STPG2: variants seen among roughly 807,000 people sequenced by gnomAD.
The protein encoded by STPG2 is sperm-tail PG-rich repeat-containing protein 2.
Under a neutral mutation model 54.2 loss-of-function variants are expected in STPG2, and 56 were observed. The observed-to-expected ratio is 1.03, with a 90% CI of 0.83 to 1.29. The LOEUF (loss-of-function observed/expected upper bound fraction) is 1.29, where lower values mean the gene tolerates loss of function less well. Among genes scored for constraint, STPG2 ranks in the 50% most tolerant of loss-of-function variants. The probability of loss-of-function intolerance (pLI) is 0.00; values close to 1 mark genes in which losing one functional copy is unlikely to be tolerated. For synonymous variants in STPG2, 200 were observed against 181.8 expected, an observed-to-expected ratio of 1.10 and a Z score of -0.81; for missense variants, 596 against 544.9, an observed-to-expected ratio of 1.09 and a Z score of -0.93.
intron 9 of STPG2, among the ~76,000 whole-genome samples, chr4:97,722,617 T>C (rs1306741178): frequency 6.6e-6 from 1 of 152,128 alleles, no homozygotes; most frequent in Non-Finnish European, 1.5e-5. Flanking sequence ...TAGATGAGTC[T>C]TAAGAGGGAA....
chr4:97,629,310 A>G (rs999895216), intron 10 of STPG2, among the ~76,000 whole-genome samples: 1 of 152,090 alleles, frequency 6.6e-6, no homozygotes, highest in Non-Finnish European at 1.5e-5. Flanking sequence ...GAAAAAAAGC[A>G]TTTACAATCA....
intron 5 of STPG2, among the ~76,000 whole-genome samples, chr4:97,983,758 C>T (rs1403378085): frequency 2.0e-5 from 3 of 152,094 alleles, no homozygotes; most frequent in Non-Finnish European, 2.9e-5. Context: ...GGTATCTTTG[C>T]TTCTTAGTTC....
At chr4:98,140,780 T>C (rs536206298) in intron 1 of STPG2, among the ~76,000 whole-genome samples, 2 of 152,074 alleles carry the variant, frequency 1.3e-5, no homozygotes, top group South Asian at 4.1e-4. Context: ...AAAAAGTAAC[T>C]GGTTATGACT....
At chr4:97,641,491 G>A (rs1337394349) in intron 10 of STPG2, among the ~76,000 whole-genome samples, 1 of 151,176 alleles carries the variant, frequency 6.6e-6, no homozygotes, top group Non-Finnish European at 1.5e-5. Context: ...TTCTATTTTA[G>A]TTATTTCTAT....
chr4:97,605,343 T>C (rs1165497426), intron 10 of STPG2, among the ~76,000 whole-genome samples: 2 of 151,816 alleles, frequency 1.3e-5, no homozygotes, highest in African/African-American at 4.8e-5. Flanking sequence ...GCTGAAAGCA[T>C]TTAGAGTTTA....
At chr4:97,859,466 C>CTTTTTT (rs70953089) in intron 8 of STPG2, among the ~76,000 whole-genome samples, 2 of 129,114 alleles carry the variant, frequency 1.5e-5, no homozygotes, top group Non-Finnish European at 3.3e-5. Flanking sequence ...CTTTTCTTTT[C>CTTTTTT]TTTTTTTTTT....
intron 10 of STPG2, among the ~76,000 whole-genome samples, chr4:97,630,884 T>G (rs986970818): frequency 4.8e-4 from 73 of 151,944 alleles, no homozygotes; most frequent in African/African-American, 1.7e-3. Flanking sequence ...GACTACATGA[T>G]TCATATGAAA....
intron 10 of STPG2, among the ~76,000 whole-genome samples, chr4:97,705,808 T>C (rs1051136758): frequency 6.6e-6 from 1 of 151,930 alleles, no homozygotes; most frequent in African/African-American, 2.4e-5. Flanking sequence ...TTTTTCATTT[T>C]GGACTCAGAG....
chr4:98,111,927 C>A (rs1578175439), intron 3 of STPG2, among the ~76,000 whole-genome samples: 1 of 152,030 alleles, frequency 6.6e-6, no homozygotes, highest in African/African-American at 2.4e-5. Context: ...GATTCTTGGA[C>A]TTTCCCCAGC....
At chr4:97,860,934 G>C (rs1729510899) in intron 8 of STPG2, among the ~76,000 whole-genome samples, 1 of 152,056 alleles carries the variant, frequency 6.6e-6, no homozygotes, top group South Asian at 2.1e-4. Flanking sequence ...TATTGGAATG[G>C]GCAGAGATTT....
At chr4:97,551,686 T>C (rs1451372460) in intron 4 of STPG2, among the ~76,000 whole-genome samples, 1 of 152,258 alleles carries the variant, frequency 6.6e-6, no homozygotes, top group Non-Finnish European at 1.5e-5. Flanking sequence ...TATATGACTG[T>C]AGTTATTATT....
chr4:97,566,683 C>T (rs1243734750), intron 10 of STPG2, among the ~76,000 whole-genome samples: 1 of 152,018 alleles, frequency 6.6e-6, no homozygotes, highest in Non-Finnish European at 1.5e-5. Flanking sequence ...ACATATACAC[C>T]ATGGAATACT....
At chr4:97,485,118 T>C (rs1408953868) in intron 4 of STPG2, among the ~76,000 whole-genome samples, 2 of 151,664 alleles carry the variant, frequency 1.3e-5, no homozygotes, top group African/African-American at 2.4e-5. Context: ...TGGGGAAAAG[T>C]TGAAGGCCTT....
intron 4 of STPG2, among the ~76,000 whole-genome samples, chr4:97,526,073 T>C (rs184313895): frequency 3.3e-4 from 50 of 152,244 alleles, no homozygotes; most frequent in African/African-American, 1.2e-3. Flanking sequence ...ATATTCACTA[T>C]GTAGTTCAAC....
intron 9 of STPG2, among the ~76,000 whole-genome samples, chr4:97,743,387 C>G (rs1006560629): frequency 2.0e-5 from 3 of 151,662 alleles, no homozygotes; most frequent in African/African-American, 7.3e-5. Context: ...ACATTTTGAC[C>G]ATTCTTTCAC....
chr4:97,947,378 A>T (rs1733275186), intron 7 of STPG2, among the ~76,000 whole-genome samples: 1 of 152,000 alleles, frequency 6.6e-6, no homozygotes, highest in South Asian at 2.1e-4. Flanking sequence ...CCTTTTTTGC[A>T]ATCTAAATGC....
intron 8 of STPG2, among the ~76,000 whole-genome samples, chr4:97,918,747 T>C (rs779089177): frequency 6.6e-6 from 1 of 151,962 alleles, no homozygotes; most frequent in Non-Finnish European, 1.5e-5. Context: ...TTCTCACTTA[T>C]AAGTAGGAGT....
At chr4:97,939,105 T>C (rs149826389) in intron 8 of STPG2, among the ~76,000 whole-genome samples, 1 of 152,224 alleles carries the variant, frequency 6.6e-6, no homozygotes, top group Non-Finnish European at 1.5e-5. Flanking sequence ...AATTTCCATA[T>C]AATTGCATGA....
At chr4:97,484,500 A>G (rs1730305333) in intron 4 of STPG2, among the ~76,000 whole-genome samples, 1 of 151,858 alleles carries the variant, frequency 6.6e-6, no homozygotes, top group Non-Finnish European at 1.5e-5. Flanking sequence ...CAATTCTCCT[A>G]GCTTAAATCA....
Sources: gnomAD v4.1 joint callset for allele counts (sites outside exome capture counted in the v4.1 genomes callset) on GRCh38, gnomAD v4.1.1 for gene constraint, MANE v1.5 for transcripts, NCBI Gene and HGNC (gene_info 2026-07-23, HGNC 2026-07-21) for gene names.